Variants in MYRIP observed in about 807,000 individuals in gnomAD.
MYRIP encodes myosin VIIA and Rab interacting protein, also known as rab effector MyRIP.
In MYRIP, 49 loss-of-function variants were observed where a neutral mutation model predicts 98.0. That is an observed-to-expected ratio of 0.50 (90% CI 0.40 to 0.63). MYRIP has a LOEUF of 0.63. Ranked by LOEUF, MYRIP falls within the 30% of genes least tolerant of loss-of-function variation. The pLI is 0.00. For synonymous variants in MYRIP, 404 were observed against 409.5 expected (o/e 0.99, Z 0.16); for missense variants, 1,004 against 1,058.2 (o/e 0.95, Z 0.71).
At chr3:40,202,380 C>T (rs945575747) in intron 10 of MYRIP, among the ~76,000 whole-genome samples, 1 of 151,952 alleles carries the variant, frequency 6.6e-6, no homozygotes, top group Non-Finnish European at 1.5e-5. Flanking sequence ...GATGATGAGG[C>T]TAAATAGGAG....
At chr3:40,257,274 A>C (rs1303386512) in intron 16 of MYRIP, among the ~76,000 whole-genome samples, 1 of 152,188 alleles carries the variant, frequency 6.6e-6, no homozygotes, top group East Asian at 1.9e-4. Flanking sequence ...GTGAGCTATG[A>C]TTGCACCACT....
intron 2 of MYRIP, among the ~76,000 whole-genome samples, chr3:39,998,184 A>G (rs545850155): frequency 1.3e-5 from 2 of 152,298 alleles, no homozygotes; most frequent in Non-Finnish European, 2.9e-5. Context: ...TTCTGGCCAG[A>G]GCAATCAGGC....
Position 40,175,329 on chromosome 3 carries a change from A to C in MYRIP, c.873+5236A>C, listed in dbSNP as rs367672977. 4.1e-4 allele frequency among the ~76,000 whole-genome samples: 63 copies of C among 152,246 alleles called. 1 individual carries two copies. Among genetic ancestry groups the C allele is most frequent in the Middle Eastern group, 3.4e-3 (1 of 294 alleles). ...CATCTGTCCCCATTGGGCTTCAGCC[A>C]TCTACATGTAACAGGACAAGCTGAG... is the stretch of plus-strand genomic sequence containing the variant. On this transcript the variant is annotated intron_variant, in intron 8 of 16. Transcript: ENST00000302541.
intron 2 of MYRIP, among the ~76,000 whole-genome samples, chr3:40,024,840 T>C (rs1947086554): frequency 2.6e-5 from 4 of 152,198 alleles, no homozygotes; most frequent in Admixed American, 2.0e-4. Flanking sequence ...AATGGAGAGA[T>C]GGGAGCCTTT....
intron 1 of MYRIP, among the ~76,000 whole-genome samples, chr3:39,832,294 T>C (rs1426706621): frequency 6.6e-6 from 1 of 152,226 alleles, no homozygotes; most frequent in East Asian, 1.9e-4. Context: ...AATAATTATC[T>C]TTTCAGTGGA....
intron 2 of MYRIP, among the ~76,000 whole-genome samples, chr3:40,042,325 A>G (rs1017546736): frequency 2.0e-5 from 3 of 150,052 alleles, no homozygotes; most frequent in Non-Finnish European, 4.4e-5. Context: ...CCAACCTTCA[A>G]CCCACTACAG....
At chr3:40,186,548 A>G (rs1003153425) in intron 9 of MYRIP, among the ~76,000 whole-genome samples, 1 of 152,088 alleles carries the variant, frequency 6.6e-6, no homozygotes, top group Admixed American at 6.5e-5. Context: ...GAGGGGGGAT[A>G]CTTAGCCACC....
chr3:40,239,593 T>C lies in MYRIP; in HGVS notation c.2101-4853T>C, dbSNP rs1242313330. ...TGTTGTTTCCTGACTTTTTAATGAT[T>C]GCCATTCTAACTGGTGTGAGATGGT... On this transcript the variant is annotated intron_variant, in intron 12 of 16. Coordinates refer to ENST00000302541, the MANE Select transcript of MYRIP (RefSeq NM_015460.4). Among the ~76,000 whole-genome samples, 6 of 144,556 alleles carry C rather than the reference T, an allele frequency of 4.2e-5. No individual in the cohort carries two copies. In the East Asian group the frequency reaches 6.0e-4, roughly 15 times the overall value. 94.8% of individuals were successfully genotyped at this position (144,556 alleles called of 152,430 possible).
intron 2 of MYRIP, among the ~76,000 whole-genome samples, chr3:39,915,450 T>G (rs140251917): frequency 2.0e-5 from 3 of 152,110 alleles, no homozygotes; most frequent in African/African-American, 2.4e-5. Context: ...TGGAGACATA[T>G]TCAACTATTA....
At chr3:39,902,806 G>A (rs1375196704) in intron 2 of MYRIP, among the ~76,000 whole-genome samples, 2 of 152,148 alleles carry the variant, frequency 1.3e-5, no homozygotes, top group African/African-American at 4.8e-5. Context: ...TTTAGGGCTT[G>A]GTTTGAGGAG....
intron 2 of MYRIP, among the ~76,000 whole-genome samples, chr3:40,014,927 C>T (rs1946829158): frequency 6.6e-6 from 1 of 152,160 alleles, no homozygotes; most frequent in African/African-American, 2.4e-5. Context: ...AAGGTCTGGG[C>T]TCTCCTGCTC....
intron 9 of MYRIP, 45 bp downstream of exon 9, chr3:40,182,418 G>A (rs367792894): frequency 1.3e-6 from 2 of 1,580,498 alleles, no homozygotes; most frequent in African/African-American, 1.4e-5. Flanking sequence ...GGTTTCAAAA[G>A]TGTGGTTTGG....
chr3:40,070,719 C>A (rs1015522274), intron 3 of MYRIP, among the ~76,000 whole-genome samples: 1 of 152,138 alleles, frequency 6.6e-6, no homozygotes, highest in East Asian at 1.9e-4. Context: ...CCCTTACCAC[C>A]CTGGTCCATG....
intron 2 of MYRIP, among the ~76,000 whole-genome samples, chr3:39,948,541 A>G (rs555394705): frequency 1.3e-5 from 2 of 152,260 alleles, no homozygotes; most frequent in South Asian, 4.1e-4. Flanking sequence ...AAAACTTAAC[A>G]CACATATTAC....
chr3:40,253,594 C>T (rs964791564), intron 16 of MYRIP, among the ~76,000 whole-genome samples: 7 of 152,150 alleles, frequency 4.6e-5, no homozygotes, highest in Non-Finnish European at 8.8e-5. Context: ...AAACTAAGAT[C>T]GCACTAGTCT....
intron 2 of MYRIP, among the ~76,000 whole-genome samples, chr3:39,950,129 G>T (rs1216889765): frequency 1.3e-5 from 2 of 151,908 alleles, no homozygotes; most frequent in Non-Finnish European, 2.9e-5. Flanking sequence ...TGTCTTTAGG[G>T]TATGTTTTTC....
At chr3:40,100,483 C>G (rs1948924315) in intron 3 of MYRIP, among the ~76,000 whole-genome samples, 1 of 152,172 alleles carries the variant, frequency 6.6e-6, no homozygotes, top group Admixed American at 6.5e-5. Flanking sequence ...ACCATTGGCT[C>G]TATTTCAACA....
At chr3:39,836,963 G>T (rs1452351925) in intron 1 of MYRIP, among the ~76,000 whole-genome samples, 3 of 152,124 alleles carry the variant, frequency 2.0e-5, no homozygotes, top group African/African-American at 7.2e-5. Context: ...GATTTAACTG[G>T]GGAAGACTCT....
At chr3:39,854,722 TC>T (rs1377304051) in intron 1 of MYRIP, among the ~76,000 whole-genome samples, 3 of 152,198 alleles carry the variant, frequency 2.0e-5, no homozygotes, top group African/African-American at 7.2e-5. Context: ...TCTTCTTTTG[TC>T]ATATTACCAG....
Sources: allele counts gnomAD v4.1 joint callset (sites outside exome capture counted in the v4.1 genomes callset), GRCh38; gene constraint gnomAD v4.1.1; transcripts MANE v1.5; gene names NCBI Gene and HGNC (gene_info 2026-07-23, HGNC 2026-07-21).